ZSWIM6: variants seen among roughly 807,000 people sequenced by gnomAD.
ZSWIM6 encodes zinc finger SWIM domain-containing protein 6.
In ZSWIM6, 9 loss-of-function variants were observed where a neutral mutation model predicts 113.2. The ratio of observed to expected loss-of-function variants is 0.08; its 90% CI spans 0.05 to 0.14. The LOEUF (loss-of-function observed/expected upper bound fraction) is 0.14. Among genes scored for constraint, ZSWIM6 ranks in the 10% least tolerant of loss-of-function variants. ZSWIM6 has a pLI of 1.00. For synonymous variants in ZSWIM6, 611 were observed against 606.5 expected (o/e 1.01, Z -0.11); for missense variants, 1,162 against 1,552.2 (o/e 0.75, Z 4.22).
intron 9 of ZSWIM6, 86 bp downstream of exon 9, chr5:61,531,811 C>A: frequency 7.1e-7 from 1 of 1,415,096 alleles, no homozygotes. Context: ...TATCTGAATG[C>A]ATTTAATATG....
At chr5:61,504,088 CACTT>C (rs1405199407) in intron 4 of ZSWIM6, among the ~76,000 whole-genome samples, 8 of 152,280 alleles carry the variant, frequency 5.3e-5, no homozygotes, top group South Asian at 2.1e-4. Flanking sequence ...GTAATGCTGA[CACTT>C]ACTTAGAAAC....
chr5:61,332,386 C>T lies in ZSWIM6; in HGVS notation c.114C>T (p.Tyr38=). ...GCGGCGGCGGCGCGGGTGGCGGCTA[C>T]AGCTCTGCCTGTCGGCCAGGCCCGC... ...SGGGGGAGGG[Y]SSACRPGPRA... The change falls in exon 1 of 14, where the codon TAC becomes TAT. Residue 38 remains tyrosine (Y), a synonymous_variant. Transcript: ENST00000252744. 1 of 991,618 alleles carries T rather than the reference C, an allele frequency of 1.0e-6. No homozygotes were observed. Among genetic ancestry groups the T allele is most frequent in the Non-Finnish European group, 1.2e-6 (1 of 834,476 alleles). 61.4% of individuals were successfully genotyped at this position (991,618 alleles called of 1,614,324 possible).
chr5:61,543,610 C>T lies in ZSWIM6; in HGVS notation c.2941C>T (p.Arg981Trp), dbSNP rs754533320. ...HQQEKLASSA[R>W]TLALQCAMKD... ...GCAGGAAAAGCTGGCCAGCAGCGCC[C>T]GGACACTTGCACTGCAGTGTGCCAT... Residue 981 changes from arginine (R) to tryptophan (W), a missense_variant, in exon 14 of 14, where the codon CGG becomes TGG. Coordinates refer to ENST00000252744, the MANE Select transcript of ZSWIM6 (RefSeq NM_020928.2). The surrounding 1 kb of genome is among the most constrained non-coding windows in gnomAD (Gnocchi z 4.3). 2.1e-5 allele frequency: 32 copies of T among 1,551,636 alleles called. No homozygotes were observed. Among genetic ancestry groups the T allele is most frequent in the Admixed American group, 1.2e-4 (6 of 50,988 alleles).
At chr5:61,415,899 C>G (rs1043577110) in intron 1 of ZSWIM6, among the ~76,000 whole-genome samples, 1 of 152,172 alleles carries the variant, frequency 6.6e-6, no homozygotes, top group Non-Finnish European at 1.5e-5. Context: ...ACAAAAAAGA[C>G]TTCATGAAAC....
At chr5:61,483,712 CA>C (rs36120611) in intron 2 of ZSWIM6, among the ~76,000 whole-genome samples, 528 of 125,728 alleles carry the variant, frequency 4.2e-3, no homozygotes, top group African/African-American at 1.0e-2. Flanking sequence ...ACTAAAAATA[CA>C]AAAAAAAAAA....
intron 1 of ZSWIM6, among the ~76,000 whole-genome samples, chr5:61,338,803 A>AT (rs970799916): frequency 3.3e-5 from 5 of 151,754 alleles, no homozygotes; most frequent in African/African-American, 1.2e-4. Flanking sequence ...TATCCTCATT[A>AT]TTTTTTTTCC....
In ZSWIM6 at chr5:61,360,387, CAG is replaced by C. The variant is rs199991298; in HGVS notation, c.676+27441_676+27442del. Reference sequence around the variant, plus strand: ...AATGCGGAGAAGAATTGAGAACCAACAGAAAAATAACTGGCAGAGGAAGTAAT... The same window carrying C: ...AATGCGGAGAAGAATTGAGAACCAACAAAAATAACTGGCAGAGGAAGTAAT... On this transcript the variant is annotated intron_variant, in intron 1 of 13. Transcript: ENST00000252744. Among the ~76,000 whole-genome samples, 984 of 152,272 alleles carry C rather than the reference CAG, an allele frequency of 6.5e-3. 13 individuals carry two copies. The highest frequency in any genetic ancestry group is 0.01 in the Non-Finnish European group (714 of 68,032).
At chr5:61,368,060 G>A (rs988289599) in intron 1 of ZSWIM6, among the ~76,000 whole-genome samples, 2 of 152,134 alleles carry the variant, frequency 1.3e-5, no homozygotes, top group Non-Finnish European at 2.9e-5. Flanking sequence ...CCAAAAGGTC[G>A]AGACTGTAGT....
chr5:61,338,534 A>G (rs974250782), intron 1 of ZSWIM6, among the ~76,000 whole-genome samples: 3 of 152,180 alleles, frequency 2.0e-5, no homozygotes, highest in Non-Finnish European at 4.4e-5. Flanking sequence ...AAAGTATTTC[A>G]GTATTTGATA....
chr5:61,521,463 T>G (rs748370243), intron 5 of ZSWIM6, 21 bp downstream of exon 5: 6 of 1,416,564 alleles, frequency 4.2e-6, no homozygotes, highest in Non-Finnish European at 3.7e-6. Flanking sequence ...CATAATGTTC[T>G]GCTTAAATTG....
At chr5:61,391,639 A>C in intron 1 of ZSWIM6, 1 of 959,682 alleles carries the variant, frequency 1.0e-6, no homozygotes. Flanking sequence ...TATCTCCACA[A>C]TGGTCACAGC....
At chr5:61,384,224 G>T (rs1745547169) in intron 1 of ZSWIM6, among the ~76,000 whole-genome samples, 2 of 144,950 alleles carry the variant, frequency 1.4e-5, no homozygotes, top group South Asian at 4.4e-4. Context: ...GTCCAGCCTA[G>T]GCGACAGAGC....
intron 1 of ZSWIM6, among the ~76,000 whole-genome samples, chr5:61,469,160 T>C (rs1351400177): frequency 6.6e-6 from 1 of 152,164 alleles, no homozygotes; most frequent in Non-Finnish European, 1.5e-5. Context: ...TAGCTGATGG[T>C]GAAGAAAGGT....
At chr5:61,374,184 G>C (rs1745321861) in intron 1 of ZSWIM6, among the ~76,000 whole-genome samples, 2 of 152,148 alleles carry the variant, frequency 1.3e-5, no homozygotes, top group Non-Finnish European at 2.9e-5. Flanking sequence ...TTATGTTAGG[G>C]GTGATATGTT....
At chr5:61,412,850 CTCATTCAT>C (rs762180720) in intron 1 of ZSWIM6, among the ~76,000 whole-genome samples, 3 of 151,990 alleles carry the variant, frequency 2.0e-5, no homozygotes, top group Non-Finnish European at 4.4e-5. Flanking sequence ...ATTTTCTGTT[CTCATTCAT>C]TCATTCATTC....
chr5:61,516,961 T>A (rs1748962358), intron 4 of ZSWIM6, among the ~76,000 whole-genome samples: 1 of 152,168 alleles, frequency 6.6e-6, no homozygotes, highest in Non-Finnish European at 1.5e-5. Context: ...CTTTTAATGC[T>A]TTAAAGATAT....
At chr5:61,392,739 A>G (rs1341350111) in intron 1 of ZSWIM6, among the ~76,000 whole-genome samples, 1 of 151,776 alleles carries the variant, frequency 6.6e-6, no homozygotes, top group Non-Finnish European at 1.5e-5. Context: ...CAGCCTCCTG[A>G]GTAGCCGGGA....
chr5:61,368,065 T>C (rs1224212404), intron 1 of ZSWIM6, among the ~76,000 whole-genome samples: 1 of 152,152 alleles, frequency 6.6e-6, no homozygotes, highest in Non-Finnish European at 1.5e-5. Context: ...AGGTCGAGAC[T>C]GTAGTAAGCA....
At chr5:61,526,076 G>C in intron 6 of ZSWIM6, 100 bp downstream of exon 6, 2 of 1,439,728 alleles carry the variant, frequency 1.4e-6, no homozygotes, top group Non-Finnish European at 1.9e-6. Context: ...GGATTCAATG[G>C]GAGATGGATG....
Sources: allele counts gnomAD v4.1 joint callset (sites outside exome capture counted in the v4.1 genomes callset), GRCh38; gene constraint gnomAD v4.1.1; non-coding constraint Gnocchi (gnomAD v3.1); transcripts MANE v1.5; gene names NCBI Gene and HGNC (gene_info 2026-07-23, HGNC 2026-07-21).